The following ZNF497 variants were observed in gnomAD, a reference collection of about 807,000 sequenced individuals.
ZNF497 encodes zinc finger protein 497.
For synonymous variants in ZNF497, 422 were observed against 313.7 expected (o/e 1.35, Z -3.65); for missense variants, 930 against 714.0 (o/e 1.30, Z -3.45).
At chr19:58,357,892 G>T in intron 2 of ZNF497, 1 of 1,367,128 alleles carries the variant, frequency 7.3e-7, no homozygotes. Flanking sequence ...CACCCGGCCC[G>T]GCCCAGCAGG....
Position 58,357,211 on chromosome 19 carries a change from G to A in ZNF497, c.425C>T (p.Ala142Val). 6.2e-7 allele frequency: 1 copy of A among 1,613,242 alleles called. No individual in the cohort carries two copies. The highest frequency in any genetic ancestry group is 8.5e-7 in the Non-Finnish European group (1 of 1,179,800). Residue 142 changes from alanine to valine, a missense_variant, in exon 3 of 3, where the codon GCC becomes GTC. Physicochemically the swap from Ala to Val is moderately conservative, Grantham distance 64. Coordinates refer to ENST00000311044, the MANE Select transcript of ZNF497 (RefSeq NM_198458.3). ...GCTGAGGTTGGAGCTCCAGGCGAAG[G>A]CCTTGCCGCACTCGGGGCACGTGTA... ...KPYTCPECGK[A>V]FAWSSNLSQH...
rs570431022 is a variant in ZNF497, at chr19:58,356,770, A to G, written c.866T>C (p.Leu289Pro). 6.4e-6 allele frequency: 10 copies of G among 1,559,558 alleles called. No individual in the cohort carries two copies. The East Asian group carries it at 2.4e-4, about 37-fold the overall frequency. Reference sequence around the variant, plus strand: ...GCTGTGCGTGCGCCGGTGCTGCCGCAGCCCCGCCACACGCACGAAGGCCTT... The same window carrying G: ...GCTGTGCGTGCGCCGGTGCTGCCGCGGCCCCGCCACACGCACGAAGGCCTT... ...CGKAFVRVAGLRQHRRTHSSE... is the reference protein window; with the variant it reads ...CGKAFVRVAGPRQHRRTHSSE... Residue 289 changes from leucine to proline, a missense_variant, in exon 3 of 3, where the codon CTG becomes CCG. Physicochemically the swap from Leu to Pro is moderately conservative, Grantham distance 98 (BLOSUM62 -3). Transcript: ENST00000311044.
intron 1 of ZNF497, among the ~76,000 whole-genome samples, chr19:58,361,110 A>T (rs1254997984): frequency 6.6e-6 from 1 of 152,012 alleles, no homozygotes; most frequent in African/African-American, 2.4e-5. Context: ...TCTTGACCTC[A>T]GATGGTCCAC....
chr19:58,358,826 G>A (rs545185148), intron 1 of ZNF497: 84 of 457,326 alleles, frequency 1.8e-4, no homozygotes, highest in African/African-American at 1.2e-3. Context: ...ACCAACCCAC[G>A]ACTGGCCCCA....
At position 58,356,769 on chromosome 19, in the gene ZNF497, C is replaced by T. The variant is rs1314026087; in HGVS notation, c.867G>A (p.Leu289=). 1.3e-6 allele frequency: 2 copies of T among 1,557,690 alleles called. No homozygotes were observed. Among genetic ancestry groups the T allele is most frequent in the Non-Finnish European group, 1.7e-6 (2 of 1,158,360 alleles). The change falls in exon 3 of 3, where the codon CTG becomes CTA. Residue 289 remains leucine, a synonymous_variant. Transcript: ENST00000311044. ...CGKAFVRVAG[L]RQHRRTHSSE... ...TGCTGTGCGTGCGCCGGTGCTGCCG[C>T]AGCCCCGCCACACGCACGAAGGCCT...
rs939380231 is a variant in ZNF497 at position 58,357,047 on chromosome 19, T to C, written c.589A>G (p.Lys197Glu). The change falls in exon 3 of 3, where the codon AAG becomes GAG. Residue 197 changes from lysine (K) to glutamate (E), a missense_variant. Transcript: ENST00000311044. ...LKPFRCPDCG[K>E]SFGRSTTLVQ... ...AGCGTGGTGCTTCGGCCGAAGGACT[T>C]GCCGCAGTCCGGGCAGCGGAAGGGC... The C allele has an allele frequency of 1.2e-6, 2 of 1,610,682 alleles. No individual in the cohort carries two copies. The highest frequency in any genetic ancestry group is 2.7e-5 in the African/African-American group (2 of 74,744).
chr19:58,359,694 C>G (rs1335767565), intron 1 of ZNF497: 3 of 317,230 alleles, frequency 9.5e-6, no homozygotes, highest in African/African-American at 2.2e-5. Flanking sequence ...TTAAGTTAGG[C>G]CAAGTGCGGT....
chr19:58,357,329 C>G lies in ZNF497; in HGVS notation c.307G>C (p.Glu103Gln). Reference protein sequence around the residue: ...RALRPSPLPEEPGCRCGECGK... With the variant: ...RALRPSPLPEQPGCRCGECGK... Reference sequence around the variant, plus strand: ...CACTCCCCGCACCGGCAGCCCGGCTCCTCTGGGAGAGGCGAAGGGCGCAAC... The same window carrying G: ...CACTCCCCGCACCGGCAGCCCGGCTGCTCTGGGAGAGGCGAAGGGCGCAAC... The change falls in exon 3 of 3, where the codon GAG becomes CAG. Residue 103 changes from glutamate to glutamine, a missense_variant. Coordinates refer to ENST00000311044, the MANE Select transcript of ZNF497 (RefSeq NM_198458.3). 3 of 1,603,434 alleles carry G rather than the reference C, an allele frequency of 1.9e-6. No homozygotes were observed. The highest frequency in any genetic ancestry group is 2.3e-5 in the East Asian group (1 of 44,398).
rs1325105695 is a variant in ZNF497, at chr19:58,357,078, G to T, written c.558C>A (p.Gly186=). ...QLIHHQETHS[G]LKPFRCPDCG... ...AGTCCGGGCAGCGGAAGGGCTTCAG[G>T]CCGCTGTGTGTCTCCTGGTGGTGGA... The change falls in exon 3 of 3, where the codon GGC becomes GGA. Residue 186 remains glycine (G), a synonymous_variant. Coordinates refer to ENST00000311044, the MANE Select transcript of ZNF497 (RefSeq NM_198458.3). The T allele has an allele frequency of 4.4e-6, 7 of 1,607,894 alleles. No homozygotes were observed. Among genetic ancestry groups the T allele is most frequent in the Non-Finnish European group, 6.0e-6 (7 of 1,175,930 alleles).
rs765574513 is a variant in ZNF497, at chr19:58,356,697, C to G, written c.939G>C (p.Glu313Asp). ...PCAECGKAFR[E>D]SSQLLQHQRT... The stretch of plus-strand genomic sequence containing the variant: ...GCTGGTGCTGCAGGAGCTGCGAGCT[C>G]TCGCGGAAAGCCTTTCCGCACTCGG... Residue 313 changes from glutamate (E) to aspartate (D), a missense_variant, in exon 3 of 3, where the codon GAG (glutamate) becomes GAC (aspartate). By Grantham distance (45) the Glu-to-Asp change is conservative (BLOSUM62 2). Transcript: ENST00000311044. 3.8e-6 allele frequency: 6 copies of G among 1,560,912 alleles called. No homozygotes were observed. The highest frequency in any genetic ancestry group is 1.9e-5 in the Admixed American group (1 of 53,628).
Position 58,356,454 on chromosome 19 carries a change from G to C in ZNF497, c.1182C>G (p.Ala394=), listed in dbSNP as rs756733381. The change falls in exon 3 of 3, where the codon GCC becomes GCG. Residue 394 remains alanine, a synonymous_variant. Coordinates refer to ENST00000311044, the MANE Select transcript of ZNF497 (RefSeq NM_198458.3). Reference sequence around the variant, plus strand: ...GCGCCAGGCCGGAACTGCCGCGGAAGGCCTTGCCGCAGTCGGCGCAGGCGA... The same window carrying C: ...GCGCCAGGCCGGAACTGCCGCGGAACGCCTTGCCGCAGTCGGCGCAGGCGA... ...KPFACADCGK[A]FRGSSGLAHH... 1.9e-6 allele frequency: 3 copies of C among 1,556,576 alleles called. No homozygotes were observed. The highest frequency in any genetic ancestry group is 1.2e-5 in the South Asian group (1 of 85,546).
Position 58,356,720 on chromosome 19 carries a change from C to T in ZNF497, c.916G>A (p.Glu306Lys), listed in dbSNP as rs2052026916. ...CTCTCGCGGAAAGCCTTTCCGCACTCGGCGCAGGGGAAGGGCTTCTCGCTG... is the reference window on the plus strand; with the variant it reads ...CTCTCGCGGAAAGCCTTTCCGCACTTGGCGCAGGGGAAGGGCTTCTCGCTG... ...HSSEKPFPCA[E>K]CGKAFRESSQ... is the part of the protein sequence containing the mutation. Residue 306 changes from glutamate (E) to lysine (K), a missense_variant, in exon 3 of 3, where the codon GAG becomes AAG. Coordinates refer to ENST00000311044, the MANE Select transcript of ZNF497 (RefSeq NM_198458.3). 1 of 1,570,058 alleles carries T rather than the reference C, an allele frequency of 6.4e-7. No individual in the cohort carries two copies. Among genetic ancestry groups the T allele is most frequent in the Non-Finnish European group, 8.6e-7 (1 of 1,164,430 alleles).
chr19:58,356,652 C>A lies in ZNF497; in HGVS notation c.984G>T (p.Arg328=), dbSNP rs1309190713. 1.9e-6 allele frequency: 3 copies of A among 1,548,016 alleles called. No homozygotes were observed. Among genetic ancestry groups the A allele is most frequent in the Non-Finnish European group, 2.6e-6 (3 of 1,152,224 alleles). ...GGCCGCACTCGGCGCACTCGAAGGG[C>A]CGCTCACCAGTGTGCGTGCGCTGGT... ...LQHQRTHTGE[R]PFECAECGQA... is the part of the protein sequence containing the mutation. Residue 328 remains arginine, a synonymous_variant, in exon 3 of 3, where the codon CGG becomes CGT. Transcript: ENST00000311044.
chr19:58,356,891 G>T lies in ZNF497; in HGVS notation c.745C>A (p.Arg249=). The T allele has an allele frequency of 1.9e-6, 3 of 1,580,568 alleles. No individual in the cohort carries two copies. Among genetic ancestry groups the T allele is most frequent in the Non-Finnish European group, 2.6e-6 (3 of 1,169,070 alleles). ...TGGCTGAAGGCCTTGCCACAGTCCCGGCAGGCGTGCGGCCGCGCGCCCGTG... is the reference window on the plus strand; with the variant it reads ...TGGCTGAAGGCCTTGCCACAGTCCCTGCAGGCGTGCGGCCGCGCGCCCGTG... ...VHTGARPHAC[R]DCGKAFSQSS... The change falls in exon 3 of 3, where the codon CGG becomes AGG. Residue 249 remains arginine, a synonymous_variant. Transcript: ENST00000311044.
At position 58,356,874 on chromosome 19, in the gene ZNF497, G is replaced by T; in HGVS notation, c.762C>A (p.Ala254=). The change falls in exon 3 of 3, where the codon GCC becomes GCA. Residue 254 remains alanine, a synonymous_variant. Transcript: ENST00000311044. ...RPHACRDCGK[A]FSQSSNLAEH... ...CGGCCAGGTTGGAGCTCTGGCTGAA[G>T]GCCTTGCCACAGTCCCGGCAGGCGT... is the stretch of plus-strand genomic sequence containing the variant. 1 of 1,592,024 alleles carries T rather than the reference G, an allele frequency of 6.3e-7. No homozygotes were observed.
At chr19:58,360,767 CTTTTTTTTTTTT>C (rs551580074) in intron 1 of ZNF497, among the ~76,000 whole-genome samples, 128 of 34,514 alleles carry the variant, frequency 3.7e-3, no homozygotes, top group African/African-American at 9.5e-3. Context: ...GTCCCGAACT[CTTTTTTTTTTTT>C]TTTTTTTTTT....
At position 58,356,880 on chromosome 19, in the gene ZNF497, G is replaced by A. The variant is rs1568558403; in HGVS notation, c.756C>T (p.Gly252=). 1.3e-6 allele frequency: 2 copies of A among 1,593,562 alleles called. No homozygotes were observed. The highest frequency in any genetic ancestry group is 8.5e-7 in the Non-Finnish European group (1 of 1,174,740). ...GARPHACRDC[G]KAFSQSSNLA... Reference sequence around the variant, plus strand: ...GGTTGGAGCTCTGGCTGAAGGCCTTGCCACAGTCCCGGCAGGCGTGCGGCC... The same window carrying A: ...GGTTGGAGCTCTGGCTGAAGGCCTTACCACAGTCCCGGCAGGCGTGCGGCC... The change falls in exon 3 of 3, where the codon GGC becomes GGT. Residue 252 remains glycine (G), a synonymous_variant. Transcript: ENST00000311044.
rs1236414815 is a variant in ZNF497 at position 58,357,050 on chromosome 19, C to A, written c.586G>T (p.Gly196Cys). 1.2e-6 allele frequency: 2 copies of A among 1,610,518 alleles called. No individual in the cohort carries two copies. Among genetic ancestry groups the A allele is most frequent in the Admixed American group, 1.7e-5 (1 of 59,670 alleles). ...GLKPFRCPDC[G>C]KSFGRSTTLV... ...GTGGTGCTTCGGCCGAAGGACTTGC[C>A]GCAGTCCGGGCAGCGGAAGGGCTTC... Residue 196 changes from glycine (G) to cysteine (C), a missense_variant, in exon 3 of 3, where the codon GGC becomes TGC. Gly to Cys is a radical substitution (Grantham distance 159, BLOSUM62 -3). Transcript: ENST00000311044.
chr19:58,358,203 T>G lies in ZNF497; in HGVS notation c.-15+286A>C, dbSNP rs543595876. Reference sequence around the variant, plus strand: ...CCAGGCTGGAGGATCTCAGTGGCTGTTACCCAGGCAATGTCCACACCAGGC... The same window carrying G: ...CCAGGCTGGAGGATCTCAGTGGCTGGTACCCAGGCAATGTCCACACCAGGC... On this transcript the variant is annotated intron_variant, in intron 2 of 2. Coordinates refer to ENST00000311044, the MANE Select transcript of ZNF497 (RefSeq NM_198458.3). 2 of 1,289,960 alleles carry G rather than the reference T, an allele frequency of 1.6e-6. 1 individual carries two copies. Among genetic ancestry groups the G allele is most frequent in the South Asian group, 2.5e-5 (2 of 81,034 alleles). 79.9% of individuals were successfully genotyped at this position (1,289,960 alleles called of 1,614,324 possible).
Sources: gnomAD v4.1 joint callset for allele counts (sites outside exome capture counted in the v4.1 genomes callset) on GRCh38, gnomAD v4.1.1 for gene constraint, MANE v1.5 for transcripts, NCBI Gene and HGNC (gene_info 2026-07-23, HGNC 2026-07-21) for gene names.